TSC22D1: variants seen among roughly 807,000 people sequenced by gnomAD.
TSC22D1 encodes TSC22 domain family member 1.
TSC22D1 carries 9 observed loss-of-function variants against 74.2 expected under a neutral mutation model. The ratio of observed to expected loss-of-function variants is 0.12; its 90% CI spans 0.07 to 0.21. The LOEUF (loss-of-function observed/expected upper bound fraction) is 0.21, where lower values mean the gene tolerates loss of function less well. Among genes scored for constraint, TSC22D1 ranks in the 10% least tolerant of loss-of-function variants. The probability of loss-of-function intolerance (pLI) is 1.00; values close to 1 mark genes in which losing one functional copy is unlikely to be tolerated. For missense variants in TSC22D1, 1,427 were observed against 1,304.7 expected (o/e 1.09, Z -1.44); for synonymous variants, 586 against 492.5 (o/e 1.19, Z -2.51).
chr13:44,484,622 T>G (rs1221816460), intron 1 of TSC22D1, among the ~76,000 whole-genome samples: 1 of 152,198 alleles, frequency 6.6e-6, no homozygotes, highest in Non-Finnish European at 1.5e-5. Context: ...CTAATATTCA[T>G]GATAAACATA....
At chr13:44,484,129 A>AT (rs566383265) in intron 1 of TSC22D1, among the ~76,000 whole-genome samples, 10 of 152,220 alleles carry the variant, frequency 6.6e-5, no homozygotes, top group South Asian at 4.1e-4. Flanking sequence ...ACAGACATAC[A>AT]TACTATCACA....
At chr13:44,572,333 T>A (rs1390850681) in intron 1 of TSC22D1, among the ~76,000 whole-genome samples, 1 of 152,186 alleles carries the variant, frequency 6.6e-6, no homozygotes, top group Non-Finnish European at 1.5e-5. Context: ...ATAATGTACT[T>A]TAGGCTTTCT....
intron 1 of TSC22D1, among the ~76,000 whole-genome samples, chr13:44,572,197 T>G (rs571059611): frequency 1.3e-5 from 2 of 152,296 alleles, no homozygotes; most frequent in East Asian, 3.9e-4. Flanking sequence ...GAAAAGAACA[T>G]TACTTTAAAA....
At position 44,434,659 on chromosome 13, in the gene TSC22D1, C is replaced by T. The variant is rs954598610; in HGVS notation, c.3189G>A (p.Gln1063=). The T allele has an allele frequency of 6.3e-7, 1 of 1,589,164 alleles. No homozygotes were observed. Among genetic ancestry groups the T allele is most frequent in the Non-Finnish European group, 8.5e-7 (1 of 1,169,590 alleles). The change falls in exon 3 of 3, where the codon CAG becomes CAA. Residue 1063 remains glutamine, a synonymous_variant. Coordinates refer to ENST00000458659, the MANE Select transcript of TSC22D1 (RefSeq NM_183422.4). ...QPQGTTQPPA[Q]PASQGSGPTA is the part of the protein sequence containing the mutation. ...TTGGTCCTGAGCCCTGCGATGCTGGCTGGGCGGGGGGCTGTGTGGTGCCCT... is the reference window on the plus strand; with the variant it reads ...TTGGTCCTGAGCCCTGCGATGCTGGTTGGGCGGGGGGCTGTGTGGTGCCCT...
intron 1 of TSC22D1, among the ~76,000 whole-genome samples, chr13:44,512,683 A>G (rs1343256776): frequency 1.3e-5 from 2 of 152,046 alleles, no homozygotes; most frequent in Admixed American, 1.3e-4. Flanking sequence ...TTTGAGATGG[A>G]GTCTTGCTCT....
intron 1 of TSC22D1, among the ~76,000 whole-genome samples, chr13:44,471,221 G>C (rs1241659935): frequency 1.3e-5 from 2 of 151,946 alleles, no homozygotes; most frequent in African/African-American, 4.8e-5. Context: ...TAAAAAATGT[G>C]CTTATTTGAA....
intron 1 of TSC22D1, among the ~76,000 whole-genome samples, chr13:44,513,823 G>A (rs568812209): frequency 4.0e-4 from 61 of 152,182 alleles, no homozygotes; most frequent in African/African-American, 1.3e-3. Context: ...TAAGGCCTTC[G>A]GGAAAAGAGA....
intron 1 of TSC22D1, among the ~76,000 whole-genome samples, chr13:44,454,280 A>C (rs1480577023): frequency 6.6e-6 from 1 of 152,226 alleles, no homozygotes; most frequent in African/African-American, 2.4e-5. Context: ...CCTAATCAGG[A>C]TAACTAAATT....
intron 1 of TSC22D1, chr13:44,474,151 G>A (rs1202823449): frequency 3.8e-6 from 3 of 793,532 alleles, no homozygotes; most frequent in Non-Finnish European, 4.6e-6. Flanking sequence ...CAAGGTACTA[G>A]GCAGGACTTA....
intron 1 of TSC22D1, among the ~76,000 whole-genome samples, chr13:44,528,853 G>C (rs1434744291): frequency 1.3e-5 from 2 of 152,058 alleles, no homozygotes; most frequent in Non-Finnish European, 2.9e-5. Flanking sequence ...GTTATGAGCA[G>C]TTCTGTCTCC....
chr13:44,537,953 G>C, intron 1 of TSC22D1: 1 of 985,190 alleles, frequency 1.0e-6, no homozygotes, highest in Non-Finnish European at 1.2e-6. Context: ...GCAGCATTAG[G>C]TGACTTTAAA....
chr13:44,548,161 T>C (rs1454274960), intron 1 of TSC22D1, among the ~76,000 whole-genome samples: 1 of 152,228 alleles, frequency 6.6e-6, no homozygotes, highest in Non-Finnish European at 1.5e-5. Flanking sequence ...GAGGTTTAAT[T>C]TACATTTTTC....
chr13:44,459,671 C>T (rs1876887623), intron 1 of TSC22D1, among the ~76,000 whole-genome samples: 1 of 152,238 alleles, frequency 6.6e-6, no homozygotes, highest in African/African-American at 2.4e-5. Flanking sequence ...AGGGCTGTGA[C>T]ACCCTCTTTG....
At chr13:44,434,984 C>T in intron 2 of TSC22D1, 101 bp from the exon 3 acceptor site, 1 of 1,013,698 alleles carries the variant, frequency 9.9e-7, no homozygotes, top group South Asian at 1.6e-5. Flanking sequence ...TAACTATTTA[C>T]ATATTCCACC....
chr13:44,532,619 G>A (rs879342614), intron 1 of TSC22D1, among the ~76,000 whole-genome samples: 2 of 151,976 alleles, frequency 1.3e-5, no homozygotes, highest in South Asian at 2.1e-4. Context: ...GACTATAGGC[G>A]CACGCCACCA....
At chr13:44,461,998 G>A (rs951385625) in intron 1 of TSC22D1, among the ~76,000 whole-genome samples, 2 of 152,068 alleles carry the variant, frequency 1.3e-5, no homozygotes, top group African/African-American at 4.8e-5. Context: ...ACAGAAGGAA[G>A]GCAAAAGCAG....
chr13:44,549,163 G>C (rs182390784), intron 1 of TSC22D1, among the ~76,000 whole-genome samples: 1 of 151,892 alleles, frequency 6.6e-6, no homozygotes, highest in Non-Finnish European at 1.5e-5. Flanking sequence ...AAGTTCCTCC[G>C]TATATAATAA....
intron 1 of TSC22D1, chr13:44,540,127 C>T (rs1196806510): frequency 2.7e-6 from 1 of 364,766 alleles, no homozygotes; most frequent in Admixed American, 3.6e-5. Flanking sequence ...TAAGAAGGGA[C>T]CTGTATTGGT....
rs1192384284 is a variant in TSC22D1 at position 44,536,960 on chromosome 13, CA to C, written c.2912+36202del. The C allele has an allele frequency of 4.7e-5, 27 of 575,746 alleles. No homozygotes were observed. The Middle Eastern group carries it at 3.7e-3, about 78-fold the overall frequency. 35.7% of individuals were successfully genotyped at this position (575,746 alleles called of 1,614,324 possible). A position where few individuals can be genotyped will look rare whatever the true frequency, so the allele number is the denominator to read the frequency against. On this transcript the variant is annotated intron_variant, in intron 1 of 2. Coordinates refer to ENST00000458659, the MANE Select transcript of TSC22D1 (RefSeq NM_183422.4). ...AAAAAAAAAAAAAAAAAAAAAAAAACAAAAAAAACTAACACACAGAAAGAAT... is the reference window on the plus strand; with the variant it reads ...AAAAAAAAAAAAAAAAAAAAAAAAACAAAAAAACTAACACACAGAAAGAAT...
Sources: gnomAD v4.1 joint callset for allele counts (sites outside exome capture counted in the v4.1 genomes callset) on GRCh38, gnomAD v4.1.1 for gene constraint, MANE v1.5 for transcripts, NCBI Gene and HGNC (gene_info 2026-07-23, HGNC 2026-07-21) for gene names.